UCHL5: variants seen among roughly 807,000 people sequenced by gnomAD.
UCHL5 encodes ubiquitin carboxyl-terminal hydrolase isozyme L5.
In UCHL5, 34 loss-of-function variants were observed where a neutral mutation model predicts 53.8. That is an observed-to-expected ratio of 0.63 (90% CI 0.48 to 0.84). The LOEUF is 0.84. UCHL5 is among the 40% of genes least tolerant of loss of function. The pLI, the probability that UCHL5 is intolerant of heterozygous loss-of-function variation, is 0.00. For synonymous variants in UCHL5, 111 were observed against 126.3 expected (o/e 0.88, Z 0.81); for missense variants, 290 against 385.6 (o/e 0.75, Z 2.08).
intron 3 of UCHL5, among the ~76,000 whole-genome samples, chr1:193,049,046 C>T (rs1038728680): frequency 5.3e-5 from 8 of 152,172 alleles, no homozygotes; most frequent in African/African-American, 9.6e-5. Flanking sequence ...GCCACCACCA[C>T]GCCCAGCTAA....
chr1:193,042,138 G>A (rs1407739205), intron 3 of UCHL5, among the ~76,000 whole-genome samples: 4 of 150,994 alleles, frequency 2.6e-5, no homozygotes, highest in Non-Finnish European at 5.9e-5. Flanking sequence ...CTCCCAAAAT[G>A]TATATAGAGC....
chr1:193,036,111 C>T (rs1663286023), intron 3 of UCHL5, among the ~76,000 whole-genome samples: 1 of 151,496 alleles, frequency 6.6e-6, no homozygotes. Context: ...AAACAAGCAA[C>T]AAAATGGGAG....
At chr1:193,025,155 C>T (rs946596818) in intron 7 of UCHL5, among the ~76,000 whole-genome samples, 1 of 152,076 alleles carries the variant, frequency 6.6e-6, no homozygotes, top group Non-Finnish European at 1.5e-5. Flanking sequence ...AAAAAAAAGC[C>T]CCAACAAAAG....
chr1:193,018,119 T>A (rs1251730285), intron 10 of UCHL5, among the ~76,000 whole-genome samples: 1 of 151,556 alleles, frequency 6.6e-6, no homozygotes, highest in African/African-American at 2.4e-5. Context: ...ATTGTTGTGA[T>A]TAGCCTTAAC....
At chr1:193,019,217 T>C (rs566879241) in intron 10 of UCHL5, among the ~76,000 whole-genome samples, 9 of 151,566 alleles carry the variant, frequency 5.9e-5, no homozygotes, top group Non-Finnish European at 8.9e-5. Context: ...AGCCTGACTT[T>C]ATCCTGGCAT....
intron 3 of UCHL5, among the ~76,000 whole-genome samples, chr1:193,038,122 A>C (rs1054676528): frequency 6.6e-6 from 1 of 152,158 alleles, no homozygotes. Flanking sequence ...ACAGCCACAT[A>C]AAACAGACTC....
At chr1:193,045,980 T>C (rs1667207767) in intron 3 of UCHL5, among the ~76,000 whole-genome samples, 1 of 151,732 alleles carries the variant, frequency 6.6e-6, no homozygotes, top group South Asian at 2.1e-4. Context: ...TTATAGTTAC[T>C]ATATGTATAA....
intron 7 of UCHL5, among the ~76,000 whole-genome samples, chr1:193,025,706 T>C (rs966836050): frequency 6.6e-6 from 1 of 152,148 alleles, no homozygotes; most frequent in Non-Finnish European, 1.5e-5. Context: ...ACAATTTACA[T>C]TTACCCTGTC....
intron 8 of UCHL5, 127 bp downstream of exon 8, chr1:193,023,717 C>A (rs1004100693): frequency 1.4e-6 from 1 of 696,886 alleles, no homozygotes; most frequent in Non-Finnish European, 2.4e-6. Flanking sequence ...ATCTAGGCAG[C>A]CTGAATCCAG....
intron 8 of UCHL5, 102 bp from the exon 9 acceptor site, chr1:193,023,138 A>C (rs937483575): frequency 1.1e-6 from 1 of 890,636 alleles, no homozygotes; most frequent in Non-Finnish European, 1.7e-6. Flanking sequence ...TCAAATTTTT[A>C]CTCTTCATAT....
Position 193,029,191 on chromosome 1 carries a change from G to C in UCHL5, c.553C>G (p.Pro185Ala), listed in dbSNP as rs1660459185. 1 of 1,612,720 alleles carries C rather than the reference G, an allele frequency of 6.2e-7. No individual in the cohort carries two copies. Among genetic ancestry groups the C allele is most frequent in the African/African-American group, 1.3e-5 (1 of 74,962 alleles). ...LYELDGLREG[P>A]IDLGACNQDD... ...GGAACTGCATTACCTAAATCAATCGGTCCTTCTCTTAATCCATCTAATTCA... is the reference window on the plus strand; with the variant it reads ...GGAACTGCATTACCTAAATCAATCGCTCCTTCTCTTAATCCATCTAATTCA... Residue 185 changes from proline to alanine, a missense_variant, in exon 6 of 11, where the codon CCG becomes GCG. By Grantham distance (27) the Pro-to-Ala change is conservative. Transcript: ENST00000367454.
intron 10 of UCHL5, among the ~76,000 whole-genome samples, chr1:193,016,884 TA>T (rs1371569129): frequency 6.0e-5 from 9 of 150,732 alleles, no homozygotes; most frequent in East Asian, 1.9e-4. Flanking sequence ...TTATATGACC[TA>T]AAAAAAAATG....
intron 10 of UCHL5, chr1:193,020,250 G>T: frequency 6.6e-7 from 1 of 1,505,918 alleles, no homozygotes; most frequent in South Asian, 1.3e-5. Flanking sequence ...GAAACAGCTT[G>T]GTTGAAATCA....
Position 193,059,270 on chromosome 1 carries a change from C to T in UCHL5, c.-10G>A. 3 of 1,613,874 alleles carry T rather than the reference C, an allele frequency of 1.9e-6. No individual in the cohort carries two copies. Among genetic ancestry groups the T allele is most frequent in the Non-Finnish European group, 2.5e-6 (3 of 1,179,932 alleles). The stretch of plus-strand genomic sequence containing the variant: ...CGGCATTGCCCGTCATGGCCCTGGC[C>T]ACACACCGCCCCGATCCACCTCTCG... On this transcript the variant is annotated 5_prime_UTR_variant, in exon 1 of 11. Transcript: ENST00000367454. This position sits in a 1 kb window ranked among gnomAD's most constrained non-coding sequence, Gnocchi z 4.9.
chr1:193,014,328 G>A lies in UCHL5; in HGVS notation c.*2023C>T, dbSNP rs1190745108. The A allele has an allele frequency of 2.0e-5, 3 of 152,036 alleles. No homozygotes were observed. The highest frequency in any genetic ancestry group is 4.4e-5 in the Non-Finnish European group (3 of 67,996). The allele number at this position is 152,036 out of a possible 1,614,324, so 9.4% of individuals were successfully genotyped here. On this transcript the variant is annotated 3_prime_UTR_variant, in exon 11 of 11. Transcript: ENST00000367454. Reference sequence around the variant, plus strand: ...TAAAATAAACCACTCTTAAGCTATGGAAATTCCTATTAAGGAATTTTATTA... The same window carrying A: ...TAAAATAAACCACTCTTAAGCTATGAAAATTCCTATTAAGGAATTTTATTA...
rs1452428046 is a variant in UCHL5 at position 193,021,135 on chromosome 1, A to C, written c.904T>G (p.Leu302Val). 3 of 1,610,640 alleles carry C rather than the reference A, an allele frequency of 1.9e-6. No individual in the cohort carries two copies. The highest frequency in any genetic ancestry group is 2.5e-6 in the Non-Finnish European group (3 of 1,178,094). Residue 302 changes from leucine to valine, a missense_variant, in exon 10 of 11, where the codon TTA becomes GTA. Transcript: ENST00000367454. ...LPFIMELLKT[L>V]AEHQQLIPLV... ...GGTATTAACTGCTGGTGTTCTGCTAAAGTCTTTAACAATTCCATAATGAAA... is the reference window on the plus strand; with the variant it reads ...GGTATTAACTGCTGGTGTTCTGCTACAGTCTTTAACAATTCCATAATGAAA...
At chr1:193,059,717 C>A (rs1252871165), upstream of UCHL5, 14 of 1,353,186 alleles carry the variant, frequency 1.0e-5, no homozygotes, top group Admixed American at 4.0e-5. This position sits in a 1 kb window ranked among gnomAD's most constrained non-coding sequence, Gnocchi z 4.9. Flanking sequence ...CGTTTCCCAG[C>A]GCTGCGCAGG....
At chr1:193,039,168 A>G (rs1664675796) in intron 3 of UCHL5, among the ~76,000 whole-genome samples, 1 of 152,206 alleles carries the variant, frequency 6.6e-6, no homozygotes, top group Admixed American at 6.5e-5. Flanking sequence ...TGGGAGCCCA[A>G]GGCGGGCAGA....
intron 3 of UCHL5, among the ~76,000 whole-genome samples, chr1:193,043,164 A>AAAAAAAAAAAAAAAAAAAAAAC (rs1480622502): frequency 1.4e-5 from 2 of 148,026 alleles, no homozygotes; most frequent in Non-Finnish European, 3.0e-5. Context: ...AAAAAAAAAA[A>AAAAAAAAAAAAAAAAAAAAAAC]AAAAAAAAAA....
Sources: gnomAD v4.1 joint callset for allele counts (sites outside exome capture counted in the v4.1 genomes callset) on GRCh38, gnomAD v4.1.1 for gene constraint, Gnocchi (gnomAD v3.1) non-coding constraint, MANE v1.5 for transcripts, NCBI Gene and HGNC (gene_info 2026-07-23, HGNC 2026-07-21) for gene names.